RIMS2: variants seen among roughly 807,000 people sequenced by gnomAD.
RIMS2 encodes regulating synaptic membrane exocytosis protein 2.
In RIMS2, 59 loss-of-function variants were observed where a neutral mutation model predicts 174.4. The ratio of observed to expected loss-of-function variants is 0.34; its 90% CI spans 0.27 to 0.42. The LOEUF (loss-of-function observed/expected upper bound fraction) is 0.42, where lower values mean the gene tolerates loss of function less well. Ranked by LOEUF, RIMS2 falls within the 10% of genes least tolerant of loss-of-function variation. The pLI, the probability that RIMS2 is intolerant of heterozygous loss-of-function variation, is 1.00. For missense variants in RIMS2, 1,620 were observed against 1,666.3 expected, an observed-to-expected ratio of 0.97 and a Z score of 0.48; for synonymous variants, 606 against 572.5, an observed-to-expected ratio of 1.06 and a Z score of -0.84.
intron 19 of RIMS2, among the ~76,000 whole-genome samples, chr8:104,240,651 G>A (rs875503): frequency 0.3 from 45,478 of 151,854 alleles, 7,185 homozygotes; most frequent in African/African-American, 0.36. Flanking sequence ...ACACAAACTC[G>A]TAGACATTAG....
intron 1 of RIMS2, among the ~76,000 whole-genome samples, chr8:103,627,389 A>G (rs1448736559): frequency 6.6e-6 from 1 of 152,214 alleles, no homozygotes; most frequent in Admixed American, 6.5e-5. Flanking sequence ...CATGTTTTAC[A>G]ATCCATTTGT....
Position 103,531,529 on chromosome 8 carries a change from C to T in RIMS2, c.176+30467C>T, listed in dbSNP as rs1286710296. On this transcript the variant is annotated intron_variant, in intron 1 of 23. Transcript: ENST00000504942. ...GAGAGGGCATGGGAGCTCTGCGTGCCCACACCCTCATACCTCACCCTTTAC... is the reference window on the plus strand; with the variant it reads ...GAGAGGGCATGGGAGCTCTGCGTGCTCACACCCTCATACCTCACCCTTTAC... Among the ~76,000 whole-genome samples the T allele has an allele frequency of 2.0e-5, 3 of 152,084 alleles. No individual in the cohort carries two copies. The East Asian group carries it at 5.8e-4, about 29-fold the overall frequency.
intron 4 of RIMS2, among the ~76,000 whole-genome samples, chr8:103,905,686 C>T (rs1436579067): frequency 1.4e-5 from 2 of 146,472 alleles, no homozygotes; most frequent in Non-Finnish European, 3.0e-5. Flanking sequence ...AGCCCATTCA[C>T]TTTCTTTTCT....
At chr8:104,115,942 G>T (rs1266175018) in intron 19 of RIMS2, among the ~76,000 whole-genome samples, 1 of 152,162 alleles carries the variant, frequency 6.6e-6, no homozygotes, top group African/African-American at 2.4e-5. Context: ...CAGTGGGCCA[G>T]ATCTAATGGA....
intron 19 of RIMS2, among the ~76,000 whole-genome samples, chr8:104,096,219 T>A (rs1481268201): frequency 6.6e-6 from 1 of 152,174 alleles, no homozygotes; most frequent in Non-Finnish European, 1.5e-5. Context: ...GTCTCTAATG[T>A]GTTTTCTACA....
intron 17 of RIMS2, chr8:103,998,331 T>C: frequency 1.1e-6 from 1 of 879,702 alleles, no homozygotes; most frequent in Non-Finnish European, 1.8e-6. Context: ...CTTTTATTTC[T>C]GTTTTTATGT....
chr8:103,544,949 AC>A (rs1396192074), intron 1 of RIMS2, among the ~76,000 whole-genome samples: 2 of 152,154 alleles, frequency 1.3e-5, no homozygotes, highest in Admixed American at 6.5e-5. Flanking sequence ...ATGTGAAAAA[AC>A]CAGTGCAAGA....
chr8:103,878,812 A>C (rs2099154217), intron 3 of RIMS2, among the ~76,000 whole-genome samples: 1 of 151,656 alleles, frequency 6.6e-6, no homozygotes, highest in African/African-American at 2.4e-5. Flanking sequence ...TGAGTATCTA[A>C]GAACCTTTGT....
At chr8:104,051,134 G>T (rs1002358064) in intron 19 of RIMS2, among the ~76,000 whole-genome samples, 1 of 152,036 alleles carries the variant, frequency 6.6e-6, no homozygotes, top group Admixed American at 6.6e-5. Context: ...TGCTACTTAG[G>T]AGGCTGAAGT....
chr8:104,043,458 T>C (rs929421649), intron 19 of RIMS2, among the ~76,000 whole-genome samples: 1 of 151,482 alleles, frequency 6.6e-6, no homozygotes, highest in Non-Finnish European at 1.5e-5. Flanking sequence ...GGCGGTTATA[T>C]AGAAAGAAGA....
chr8:103,786,987 A>G (rs1375484084), intron 3 of RIMS2, among the ~76,000 whole-genome samples: 1 of 151,090 alleles, frequency 6.6e-6, no homozygotes, highest in African/African-American at 2.4e-5. Flanking sequence ...TAGGATAGTT[A>G]GCTCTTCTTG....
rs555079437 is a variant in RIMS2 at position 103,876,572 on chromosome 8, C to T, written c.699-8726C>T. On this transcript the variant is annotated intron_variant, in intron 3 of 23. Transcript: ENST00000504942. Reference sequence around the variant, plus strand: ...CCTGAGCAGTATACACTGAACCCAACTTGTAGCCTTTTATCCCTCACCCCC... The same window carrying T: ...CCTGAGCAGTATACACTGAACCCAATTTGTAGCCTTTTATCCCTCACCCCC... Among the ~76,000 whole-genome samples, 797 of 151,202 alleles carry T rather than the reference C, an allele frequency of 5.3e-3. 4 individuals are homozygous for T. Among genetic ancestry groups the T allele is most frequent in the Non-Finnish European group, 8.8e-3 (599 of 67,700 alleles).
chr8:104,057,958 C>T (rs944250247), intron 19 of RIMS2, among the ~76,000 whole-genome samples: 1 of 152,020 alleles, frequency 6.6e-6, no homozygotes, highest in African/African-American at 2.4e-5. Flanking sequence ...TTTTTTAATC[C>T]AGTCTATCGT....
chr8:104,025,331 T>A (rs984973694), intron 19 of RIMS2, among the ~76,000 whole-genome samples: 3 of 151,862 alleles, frequency 2.0e-5, no homozygotes, highest in Non-Finnish European at 2.9e-5. Flanking sequence ...AACAAAAAAA[T>A]TTAAAAATTA....
chr8:104,083,817 G>T (rs2097479751), intron 19 of RIMS2, among the ~76,000 whole-genome samples: 1 of 152,100 alleles, frequency 6.6e-6, no homozygotes. Context: ...CTTCTTGACT[G>T]AGGCAGATAT....
At chr8:103,866,911 G>A (rs2099087111) in intron 3 of RIMS2, among the ~76,000 whole-genome samples, 1 of 151,538 alleles carries the variant, frequency 6.6e-6, no homozygotes, top group Admixed American at 6.6e-5. Flanking sequence ...ATTTAGAATG[G>A]CAGAGCTAGG....
chr8:103,843,179 A>T (rs1455681664), intron 3 of RIMS2, among the ~76,000 whole-genome samples: 1 of 152,224 alleles, frequency 6.6e-6, no homozygotes, highest in Admixed American at 6.5e-5. Flanking sequence ...TTAATTATTA[A>T]TCAAGGATAA....
chr8:103,703,014 G>A (rs1392758086), intron 2 of RIMS2, among the ~76,000 whole-genome samples: 1 of 147,098 alleles, frequency 6.8e-6, no homozygotes, highest in African/African-American at 2.5e-5. Context: ...CAAGATCTCA[G>A]TTTGTCACCC....
Position 104,195,284 on chromosome 8 carries a change from A to G in RIMS2, c.3335-49632A>G, listed in dbSNP as rs1192913119. On this transcript the variant is annotated intron_variant, in intron 19 of 23. Transcript: ENST00000504942. ...GGAAGTTGAGGAAGAGGTAGAAGTC[A>G]AAGGTGACTCCCAGTTTTCTACCTT... 2.0e-5 allele frequency among the ~76,000 whole-genome samples: 3 copies of G among 152,160 alleles called. No homozygotes were observed. In the East Asian group the frequency reaches 5.8e-4, roughly 29 times the overall value.
Sources: allele counts gnomAD v4.1 joint callset (sites outside exome capture counted in the v4.1 genomes callset), GRCh38; gene constraint gnomAD v4.1.1; transcripts MANE v1.5; gene names NCBI Gene and HGNC (gene_info 2026-07-23, HGNC 2026-07-21).